ADGRE5: variants seen among roughly 807,000 people sequenced by gnomAD.
ADGRE5 encodes the protein adhesion G protein-coupled receptor E5, also known as CD97 molecule.
A neutral mutation model predicts 100.3 loss-of-function variants in ADGRE5; 72 were observed. The observed-to-expected ratio is 0.72, with a 90% CI of 0.59 to 0.87. The LOEUF is 0.87. ADGRE5 is among the 40% of genes least tolerant of loss of function. ADGRE5 has a pLI of 0.00. For missense variants in ADGRE5, 959 were observed against 1,094.7 expected (o/e 0.88, Z 1.75); for synonymous variants, 439 against 447.8 (o/e 0.98, Z 0.25).
chr19:14,388,227 CA>C (rs1046759526), intron 1 of ADGRE5, among the ~76,000 whole-genome samples: 14 of 142,390 alleles, frequency 9.8e-5, no homozygotes, highest in East Asian at 4.1e-4. Flanking sequence ...GAGCCTGTGT[CA>C]AAAAAAAAAC....
At chr19:14,382,368 C>T (rs1157307529) in intron 1 of ADGRE5, among the ~76,000 whole-genome samples, 1 of 152,176 alleles carries the variant, frequency 6.6e-6, no homozygotes, top group African/African-American at 2.4e-5. Flanking sequence ...TTGTTGGGGG[C>T]AGTTGCCAAG....
intron 4 of ADGRE5, 130 bp from the exon 5 acceptor site, chr19:14,396,212 G>A: frequency 6.4e-7 from 1 of 1,560,226 alleles, no homozygotes; most frequent in Non-Finnish European, 8.8e-7. Context: ...GGATGCCTCT[G>A]TGTGGATTGG....
chr19:14,385,005 T>A (rs1975292168), intron 1 of ADGRE5, among the ~76,000 whole-genome samples: 1 of 138,922 alleles, frequency 7.2e-6, no homozygotes, highest in Non-Finnish European at 1.5e-5. Context: ...TTTGAGACTC[T>A]TGCTCTTTTT....
chr19:14,397,677 C>T lies in ADGRE5; in HGVS notation c.645C>T (p.Ser215=), dbSNP rs141641151. The change falls in exon 7 of 20, where the codon TCC becomes TCT. Residue 215 remains serine (S), a synonymous_variant. Coordinates refer to ENST00000242786, the MANE Select transcript of ADGRE5 (RefSeq NM_078481.4). ...TVCEDVDECS[S]GQHQCDSSTV... ...CCTCAGATGTGGACGAGTGCAGCTC[C>T]GGGCAGCATCAGTGTGACAGCTCCA... The T allele has an allele frequency of 6.7e-4, 1,051 of 1,562,036 alleles. 4 individuals carry two copies. The African/African-American group carries it at 0.013, about 19-fold the overall frequency.
Position 14,397,094 on chromosome 19 carries a change from T to C in ADGRE5, c.496T>C (p.Ser166Pro). 1 of 1,613,924 alleles carries C rather than the reference T, an allele frequency of 6.2e-7. No homozygotes were observed. The part of the protein sequence containing the change: ...KVCTDVNECT[S>P]GQNPCHSSTH... ...GTCCTCAGATGTGAATGAATGCACCTCCGGACAAAACCCGTGCCACAGCTC... is the reference window on the plus strand; with the variant it reads ...GTCCTCAGATGTGAATGAATGCACCCCCGGACAAAACCCGTGCCACAGCTC... The change falls in exon 6 of 20, where the codon TCC becomes CCC. Residue 166 changes from serine to proline, a missense_variant. Ser to Pro is a moderately conservative substitution (Grantham distance 74, BLOSUM62 -1). Coordinates refer to ENST00000242786, the MANE Select transcript of ADGRE5 (RefSeq NM_078481.4).
chr19:14,397,354 G>A, intron 6 of ADGRE5, 131 bp downstream of exon 6: 1 of 1,436,434 alleles, frequency 7.0e-7, no homozygotes, highest in African/African-American at 1.4e-5. Flanking sequence ...TCATTCTTCT[G>A]AGGCTAGATG....
At position 14,398,324 on chromosome 19, in the gene ADGRE5, G is replaced by A. The variant is rs372828026; in HGVS notation, c.897+185G>A. The A allele has an allele frequency of 3.1e-4, 187 of 610,828 alleles. 1 individual carries two copies. Among genetic ancestry groups the A allele is most frequent in the South Asian group, 1.4e-3 (73 of 52,038 alleles). The allele number at this position is 610,828 out of a possible 1,614,324, so 37.8% of individuals were successfully genotyped here. A position where few individuals can be genotyped will look rare whatever the true frequency, so the allele number is the denominator to read the frequency against. ...CACACCCGGACACGTGAAGACACAC[G>A]CATGCACACACACACACCAGGTATA... On this transcript the variant is annotated intron_variant, in intron 9 of 19. Coordinates refer to ENST00000242786, the MANE Select transcript of ADGRE5 (RefSeq NM_078481.4).
intron 13 of ADGRE5, chr19:14,405,500 G>C (rs1011985287): frequency 1.2e-5 from 6 of 481,278 alleles, no homozygotes; most frequent in Non-Finnish European, 2.2e-5. Flanking sequence ...GCTGGGCCTT[G>C]TCGAAAACTG....
Position 14,402,778 on chromosome 19 carries a change from C to G in ADGRE5, c.1365C>G (p.Thr455=), listed in dbSNP as rs1976067491. The G allele has an allele frequency of 3.1e-6, 5 of 1,614,152 alleles. No individual in the cohort carries two copies. The highest frequency in any genetic ancestry group is 1.3e-5 in the African/African-American group (1 of 75,042). The change falls in exon 12 of 20, where the codon ACC becomes ACG. Residue 455 remains threonine (T), a synonymous_variant. Transcript: ENST00000242786. ...CCATCTTTCTGAGCCACAACAACAC[C>G]AAGGAACTCAACTCCCCCATCCTTT... ...VNSIFLSHNN[T]KELNSPILFA... is the part of the protein sequence containing the mutation.
intron 12 of ADGRE5, 86 bp downstream of exon 12, chr19:14,402,948 C>T (rs1433767534): frequency 6.0e-6 from 8 of 1,337,794 alleles, no homozygotes; most frequent in African/African-American, 5.8e-5. Context: ...TCTTTCCCGA[C>T]GTGACTCAGT....
intron 1 of ADGRE5, chr19:14,386,378 CAAAAAAA>C (rs747651350): frequency 1.2e-3 from 16 of 13,634 alleles, no homozygotes; most frequent in East Asian, 4.9e-3. Context: ...GACTCCATCT[CAAAAAAA>C]AAAAAAAAAA....
chr19:14,400,575 T>C (rs1419984694), intron 9 of ADGRE5, among the ~76,000 whole-genome samples: 3 of 152,088 alleles, frequency 2.0e-5, no homozygotes, highest in Admixed American at 6.6e-5. Context: ...GCAGATCGCC[T>C]GAGGTCAGGA....
chr19:14,402,478 A>T, intron 11 of ADGRE5, 119 bp from the exon 12 acceptor site: 1 of 935,020 alleles, frequency 1.1e-6, no homozygotes, highest in Non-Finnish European at 1.6e-6. Context: ...ACTCATCGGG[A>T]GGGGCTCCTG....
rs182827184 is a variant in ADGRE5, at chr19:14,397,559, G to C, written c.626-99G>C. 8.9e-4 allele frequency: 1,419 copies of C among 1,599,562 alleles called. 12 individuals are homozygous for C. The African/African-American group carries it at 0.018, about 20-fold the overall frequency. On this transcript the variant is annotated intron_variant, in intron 6 of 19. Transcript: ENST00000242786. The stretch of plus-strand genomic sequence containing the variant: ...TAACCCAGCGTCCACCACTCCAAGG[G>C]GGGCACTAATGCCGGGAGGAATGAG...
rs1409415779 is a variant in ADGRE5, at chr19:14,407,221, A to T, written c.2368A>T (p.Asn790Tyr). The change falls in exon 18 of 20, where the codon AAC (asparagine) becomes TAC (tyrosine). Residue 790 changes from asparagine (N) to tyrosine (Y), a missense_variant. Asn to Tyr is a moderately radical substitution (Grantham distance 143). Coordinates refer to ENST00000242786, the MANE Select transcript of ADGRE5 (RefSeq NM_078481.4). ...CCTCTACCTGCTGCACTGCCTGCTC[A>T]ACAAGAAGGTGGGGGCCTGGGCACA... ...AFLYLLHCLL[N>Y]KKVREEYRKW... The T allele has an allele frequency of 6.2e-7, 1 of 1,613,924 alleles. No individual in the cohort carries two copies. The highest frequency in any genetic ancestry group is 1.1e-5 in the South Asian group (1 of 91,084).
chr19:14,387,258 A>G (rs960198420), intron 1 of ADGRE5, among the ~76,000 whole-genome samples: 18 of 151,954 alleles, frequency 1.2e-4, no homozygotes, highest in African/African-American at 4.3e-4. Flanking sequence ...CCCAGGTCAG[A>G]AGAGCAGCAG....
At chr19:14,388,150 C>G (rs1975425932) in intron 1 of ADGRE5, among the ~76,000 whole-genome samples, 1 of 151,900 alleles carries the variant, frequency 6.6e-6, no homozygotes, top group African/African-American at 2.4e-5. Flanking sequence ...ATCTCTTGAG[C>G]CTAGGAATTG....
chr19:14,382,782 T>C (rs571776641), intron 1 of ADGRE5, among the ~76,000 whole-genome samples: 1 of 151,744 alleles, frequency 6.6e-6, no homozygotes, highest in Admixed American at 6.6e-5. Context: ...CAATCTCGGC[T>C]CACTGCAACC....
Position 14,384,876 on chromosome 19 carries a change from T to G in ADGRE5, c.22+3331T>G, listed in dbSNP as rs184893708. Among the ~76,000 whole-genome samples the G allele has an allele frequency of 1.2e-4, 18 of 151,702 alleles. No individual in the cohort carries two copies. In the East Asian group the frequency reaches 3.5e-3, roughly 29 times the overall value. On this transcript the variant is annotated intron_variant, in intron 1 of 19. Transcript: ENST00000242786. ...ATTTCTCTAGCTGTCTTCTTTCTCC[T>G]CTCTGTCTCCCTCTCTCTCTCCAGC...
Sources: gnomAD v4.1 joint callset for allele counts (sites outside exome capture counted in the v4.1 genomes callset) on GRCh38, gnomAD v4.1.1 for gene constraint, MANE v1.5 for transcripts, NCBI Gene and HGNC (gene_info 2026-07-23, HGNC 2026-07-21) for gene names.